CLSTN2: variants seen among roughly 807,000 people sequenced by gnomAD.
CLSTN2 encodes calsyntenin 2.
Under a neutral mutation model 101.2 loss-of-function variants are expected in CLSTN2, and 48 were observed. The ratio of observed to expected loss-of-function variants is 0.47; its 90% confidence interval spans 0.38 to 0.60. The LOEUF (loss-of-function observed/expected upper bound fraction) is 0.60. Ranked by LOEUF, CLSTN2 falls within the 20% of genes least tolerant of loss-of-function variation. The pLI is 0.00. For missense variants in CLSTN2, 1,160 were observed against 1,238.2 expected (o/e 0.94, Z 0.95); for synonymous variants, 481 against 463.6 (o/e 1.04, Z -0.48).
chr3:140,264,237 A>G (rs1424710065), intron 2 of CLSTN2, among the ~76,000 whole-genome samples: 2 of 151,904 alleles, frequency 1.3e-5, no homozygotes, highest in Admixed American at 6.6e-5. Context: ...CCTCCCAAGC[A>G]TAGTACTGAA....
At chr3:140,293,125 C>T (rs2086970152) in intron 2 of CLSTN2, among the ~76,000 whole-genome samples, 1 of 152,200 alleles carries the variant, frequency 6.6e-6, no homozygotes, top group South Asian at 2.1e-4. Flanking sequence ...CCCAGTTGTG[C>T]AAGCTGAATC....
Position 140,115,456 on chromosome 3 carries a change from C to A in CLSTN2, c.110-60495C>A, listed in dbSNP as rs1430480986. On this transcript the variant is annotated intron_variant, in intron 1 of 16. Transcript: ENST00000458420. ...CCTGGCCTCTCACCCCCACCTCTGG[C>A]TCATCAGGGCTAAGAAGAGGCCTCA... Among the ~76,000 whole-genome samples, 8 of 152,140 alleles carry A rather than the reference C, an allele frequency of 5.3e-5. 1 individual carries two copies. The highest frequency in any genetic ancestry group is 2.9e-5 in the Non-Finnish European group (2 of 68,014).
chr3:140,094,921 C>G lies in CLSTN2; in HGVS notation c.110-81030C>G, dbSNP rs146938906. On this transcript the variant is annotated intron_variant, in intron 1 of 16. Coordinates refer to ENST00000458420, the MANE Select transcript of CLSTN2 (RefSeq NM_022131.3). ...TAATACGTCAAGGATCGTACTGCAG[C>G]CAGGGCTTTGTAGTCATTGCTGGAA... Among the ~76,000 whole-genome samples, 773 of 152,290 alleles carry G rather than the reference C, an allele frequency of 5.1e-3. 3 individuals carry two copies. Among genetic ancestry groups the G allele is most frequent in the African/African-American group, 0.018 (744 of 41,566 alleles).
intron 2 of CLSTN2, among the ~76,000 whole-genome samples, chr3:140,261,171 C>T (rs1202657671): frequency 6.6e-6 from 1 of 151,042 alleles, no homozygotes; most frequent in Non-Finnish European, 1.5e-5. Flanking sequence ...TTATGCATTA[C>T]CTTCTTGAGG....
intron 1 of CLSTN2, among the ~76,000 whole-genome samples, chr3:139,961,418 G>A (rs187300974): frequency 2.0e-5 from 3 of 152,182 alleles, no homozygotes; most frequent in African/African-American, 7.2e-5. Flanking sequence ...GAGGCATTAA[G>A]TGAAGAAAAA....
chr3:140,071,122 A>G (rs1030421270), intron 1 of CLSTN2, among the ~76,000 whole-genome samples: 1 of 152,240 alleles, frequency 6.6e-6, no homozygotes, highest in Non-Finnish European at 1.5e-5. Flanking sequence ...GTGCAGAAAT[A>G]GGTACAAATA....
intron 1 of CLSTN2, among the ~76,000 whole-genome samples, chr3:140,141,748 ACT>A (rs1335566193): frequency 2.0e-5 from 3 of 152,038 alleles, no homozygotes; most frequent in Admixed American, 6.5e-5. Flanking sequence ...ACATAGCATA[ACT>A]CTGTGCATAG....
intron 8 of CLSTN2, among the ~76,000 whole-genome samples, chr3:140,482,885 A>G (rs1186370064): frequency 6.6e-6 from 1 of 152,056 alleles, no homozygotes; most frequent in Non-Finnish European, 1.5e-5. Context: ...GATCTTTTCA[A>G]AAGACCAGCT....
intron 8 of CLSTN2, among the ~76,000 whole-genome samples, chr3:140,466,949 G>A (rs1393433104): frequency 6.6e-6 from 1 of 152,198 alleles, no homozygotes; most frequent in Non-Finnish European, 1.5e-5. Flanking sequence ...TCCCAGCTGG[G>A]ATGCTGCTGG....
chr3:140,520,387 T>TAATC (rs1453456943), intron 8 of CLSTN2, among the ~76,000 whole-genome samples: 1 of 152,234 alleles, frequency 6.6e-6, no homozygotes, highest in Non-Finnish European at 1.5e-5. Context: ...AGGAAACTTA[T>TAATC]AATCATGGTG....
At chr3:140,314,071 A>G (rs1432858694) in intron 2 of CLSTN2, among the ~76,000 whole-genome samples, 4 of 152,196 alleles carry the variant, frequency 2.6e-5, no homozygotes, top group African/African-American at 9.6e-5. Flanking sequence ...TTGTAGAGCA[A>G]ACATTGGTTC....
chr3:140,091,308 A>G (rs566344301), intron 1 of CLSTN2, among the ~76,000 whole-genome samples: 115 of 152,290 alleles, frequency 7.6e-4, no homozygotes, highest in Non-Finnish European at 1.2e-3. Context: ...TGTCCTGAAC[A>G]GACTCTTGAG....
intron 8 of CLSTN2, among the ~76,000 whole-genome samples, chr3:140,530,757 T>G (rs1158570076): frequency 6.6e-6 from 1 of 152,142 alleles, no homozygotes; most frequent in Non-Finnish European, 1.5e-5. Context: ...GTCTGGTTGG[T>G]TCTTGGCACT....
chr3:140,485,537 A>G (rs535432106), intron 8 of CLSTN2, among the ~76,000 whole-genome samples: 270 of 152,270 alleles, frequency 1.8e-3, no homozygotes, highest in African/African-American at 5.8e-3. Flanking sequence ...TTGTTTGGCT[A>G]TGCCCTGCCC....
chr3:140,083,905 C>G (rs560098559), intron 1 of CLSTN2, among the ~76,000 whole-genome samples: 14 of 152,182 alleles, frequency 9.2e-5, no homozygotes, highest in Admixed American at 3.9e-4. Flanking sequence ...TTTTAAAAAA[C>G]AGTAAACTTT....
At chr3:140,243,304 A>G (rs551565425) in intron 2 of CLSTN2, among the ~76,000 whole-genome samples, 1 of 152,170 alleles carries the variant, frequency 6.6e-6, no homozygotes, top group African/African-American at 2.4e-5. Context: ...CTAATTTGAG[A>G]CTCAATATTT....
rs1934322511 is a variant in CLSTN2, at chr3:140,490,113, TATATACACACACACACAC to T, written c.1344+23384_1344+23401del. Among the ~76,000 whole-genome samples the T allele has an allele frequency of 7.5e-4, 6 of 8,048 alleles. 2 individuals are homozygous for T. Among genetic ancestry groups the T allele is most frequent in the African/African-American group, 3.3e-3 (6 of 1,818 alleles). The allele number at this position is 8,048 out of a possible 152,430, so 5.3% of individuals were successfully genotyped here. A position where few individuals can be genotyped will look rare whatever the true frequency, so the allele number is the denominator to read the frequency against. ...GTATATATATATATATATATATATA[TATATACACACACACACAC>T]ACACACACACACACACACACACACA... On this transcript the variant is annotated intron_variant, in intron 8 of 16. Coordinates refer to ENST00000458420, the MANE Select transcript of CLSTN2 (RefSeq NM_022131.3).
intron 2 of CLSTN2, among the ~76,000 whole-genome samples, chr3:140,289,424 T>C (rs981214107): frequency 5.9e-5 from 9 of 152,166 alleles, no homozygotes; most frequent in Non-Finnish European, 1.3e-4. Flanking sequence ...TTTTTAAAAT[T>C]TGGAGCCTTT....
At chr3:140,502,937 C>T (rs965318826) in intron 8 of CLSTN2, among the ~76,000 whole-genome samples, 43 of 152,202 alleles carry the variant, frequency 2.8e-4, no homozygotes, top group African/African-American at 8.9e-4. Context: ...AATGGGTCTC[C>T]GGGGCTAAAA....
Sources: gnomAD v4.1 joint callset for allele counts (sites outside exome capture counted in the v4.1 genomes callset) on GRCh38, gnomAD v4.1.1 for gene constraint, MANE v1.5 for transcripts, NCBI Gene and HGNC (gene_info 2026-07-23, HGNC 2026-07-21) for gene names.